Variants in ATXN2 observed in about 807,000 individuals in gnomAD.
ATXN2 encodes ataxin-2.
A neutral mutation model predicts 138.6 loss-of-function variants in ATXN2; 37 were observed. That is an observed-to-expected ratio of 0.27 (90% CI 0.21 to 0.35). The LOEUF (loss-of-function observed/expected upper bound fraction) is 0.35, where lower values mean the gene tolerates loss of function less well. Ranked by LOEUF, ATXN2 falls within the 10% of genes least tolerant of loss-of-function variation. The pLI is 1.00. For missense variants in ATXN2, 1,216 were observed against 1,480.3 expected (o/e 0.82, Z 2.93); for synonymous variants, 549 against 543.7 (o/e 1.01, Z -0.13).
intron 10 of ATXN2, among the ~76,000 whole-genome samples, chr12:111,514,202 G>A (rs1035126185): frequency 2.0e-5 from 3 of 152,174 alleles, no homozygotes; most frequent in Admixed American, 2.0e-4. Context: ...TTCTATTAAA[G>A]GGATGACTTG....
chr12:111,466,485 GGA>G (rs1302624539), intron 20 of ATXN2, among the ~76,000 whole-genome samples: 2 of 151,994 alleles, frequency 1.3e-5, no homozygotes, highest in African/African-American at 2.4e-5. Flanking sequence ...TGGGCGACAG[GGA>G]GAGACTCCAT....
intron 5 of ATXN2, among the ~76,000 whole-genome samples, chr12:111,535,560 T>C (rs1432637327): frequency 6.6e-6 from 1 of 151,644 alleles, no homozygotes; most frequent in Non-Finnish European, 1.5e-5. Flanking sequence ...AGGCAGAGGT[T>C]GTGGTGAGCC....
At chr12:111,559,556 G>A (rs1317757030) in intron 1 of ATXN2, among the ~76,000 whole-genome samples, 1 of 151,046 alleles carries the variant, frequency 6.6e-6, no homozygotes, top group Non-Finnish European at 1.5e-5. Context: ...GGTGGATCAC[G>A]AGCTCAGAAG....
At chr12:111,565,856 C>T (rs910892524) in intron 1 of ATXN2, among the ~76,000 whole-genome samples, 7 of 151,870 alleles carry the variant, frequency 4.6e-5, no homozygotes, top group Admixed American at 2.0e-4. Context: ...ATTAGCCAGA[C>T]GTGGTGGTGG....
At chr12:111,508,866 T>C (rs571453738) in intron 14 of ATXN2, among the ~76,000 whole-genome samples, 4 of 152,332 alleles carry the variant, frequency 2.6e-5, no homozygotes, top group South Asian at 2.1e-4. Context: ...AATGAAGCTA[T>C]TGTTAACATT....
intron 23 of ATXN2, 194 bp from the exon 24 acceptor site, chr12:111,454,039 C>G: frequency 1.8e-6 from 1 of 562,668 alleles, no homozygotes; most frequent in Non-Finnish European, 3.0e-6. Flanking sequence ...TTGGGCAGAT[C>G]CTGCAAGGGT....
At chr12:111,518,161 T>C in intron 9 of ATXN2, 88 bp downstream of exon 9, 2 of 1,196,460 alleles carry the variant, frequency 1.7e-6, no homozygotes, top group Non-Finnish European at 2.3e-6. Flanking sequence ...TGCACATTCA[T>C]ATCAGTTATG....
chr12:111,475,068 G>C (rs1876698200), intron 18 of ATXN2, among the ~76,000 whole-genome samples: 1 of 152,082 alleles, frequency 6.6e-6, no homozygotes, highest in Non-Finnish European at 1.5e-5. Flanking sequence ...AAAAAAATTA[G>C]CCGGGTGTGG....
chr12:111,561,665 C>T (rs887745353), intron 1 of ATXN2, among the ~76,000 whole-genome samples: 2 of 152,070 alleles, frequency 1.3e-5, no homozygotes, highest in Non-Finnish European at 2.9e-5. Flanking sequence ...GAAACTCCAC[C>T]TCTACTAAAA....
At chr12:111,597,619 G>A in intron 1 of ATXN2, 1 of 412,008 alleles carries the variant, frequency 2.4e-6, no homozygotes, top group African/African-American at 2.1e-5. Flanking sequence ...ACAACCGCCC[G>A]CCACCCCCAA....
At chr12:111,544,858 G>A (rs958079463) in intron 5 of ATXN2, among the ~76,000 whole-genome samples, 14 of 152,284 alleles carry the variant, frequency 9.2e-5, no homozygotes, top group Admixed American at 2.6e-4. Flanking sequence ...AAGAATTCAG[G>A]ATTAAAAAGA....
chr12:111,565,590 G>A (rs1882958232), intron 1 of ATXN2, among the ~76,000 whole-genome samples: 1 of 152,070 alleles, frequency 6.6e-6, no homozygotes, highest in Admixed American at 6.6e-5. Flanking sequence ...GTCCATATAA[G>A]ACAGCAATCT....
chr12:111,477,412 C>T (rs888485466), intron 18 of ATXN2, among the ~76,000 whole-genome samples: 4 of 151,832 alleles, frequency 2.6e-5, no homozygotes, highest in African/African-American at 4.8e-5. Context: ...CCAGAGAAAC[C>T]GAGTAAATAT....
At position 111,599,193 on chromosome 12, in the gene ATXN2, G is replaced by C; in HGVS notation, c.-159C>G. 1 of 1,204,134 alleles carries C rather than the reference G, an allele frequency of 8.3e-7. No individual in the cohort carries two copies. Among genetic ancestry groups the C allele is most frequent in the Non-Finnish European group, 1.0e-6 (1 of 970,726 alleles). 74.6% of individuals were successfully genotyped at this position (1,204,134 alleles called of 1,614,324 possible). On this transcript the variant is annotated 5_prime_UTR_variant, in exon 1 of 25. Transcript: ENST00000673436. ...GCGCCCGGGCTGGCGAGGGGGAGAA[G>C]GAGGACGACGAAGGGGCGGGGAGGC...
At chr12:111,526,799 T>C (rs919486498) in intron 5 of ATXN2, among the ~76,000 whole-genome samples, 1 of 152,216 alleles carries the variant, frequency 6.6e-6, no homozygotes, top group Non-Finnish European at 1.5e-5. Context: ...TAACTTTCCA[T>C]ATTCATGTCT....
chr12:111,541,795 TA>T (rs201933177), intron 5 of ATXN2, among the ~76,000 whole-genome samples: 12 of 147,964 alleles, frequency 8.1e-5, no homozygotes, highest in African/African-American at 2.9e-4. Context: ...ATATATATTA[TA>T]AAAATTTTTT....
intron 1 of ATXN2, chr12:111,581,751 C>T (rs530167918): frequency 8.2e-5 from 50 of 607,316 alleles, no homozygotes; most frequent in Non-Finnish European, 1.3e-4. Context: ...AGCATCATCC[C>T]AGTGTTGATC....
chr12:111,512,451 C>A (rs1325103502), intron 11 of ATXN2: 4 of 120,154 alleles, frequency 3.3e-5, no homozygotes, highest in Admixed American at 8.5e-5. Flanking sequence ...AGTTTTTAAA[C>A]TTTTTTTTTT....
intron 14 of ATXN2, among the ~76,000 whole-genome samples, chr12:111,498,641 A>C (rs999901055): frequency 1.3e-5 from 2 of 152,326 alleles, no homozygotes; most frequent in East Asian, 3.9e-4. Context: ...GATAATACTC[A>C]AAGCAATCTA....
Sources: allele counts gnomAD v4.1 joint callset (sites outside exome capture counted in the v4.1 genomes callset), GRCh38; gene constraint gnomAD v4.1.1; transcripts MANE v1.5; gene names NCBI Gene and HGNC (gene_info 2026-07-23, HGNC 2026-07-21).